ABCF1: variants seen among roughly 807,000 people sequenced by gnomAD.
The protein encoded by ABCF1 is ATP-binding cassette sub-family F member 1.
In ABCF1, 73 loss-of-function variants were observed where a neutral mutation model predicts 126.3. That is an observed-to-expected ratio of 0.58 (90% CI 0.48 to 0.70). ABCF1 has a LOEUF of 0.70. ABCF1 is among the 30% of genes least tolerant of loss of function. The pLI is 0.00. For missense variants in ABCF1, 786 were observed against 1,057.5 expected (o/e 0.74, Z 3.56); for synonymous variants, 345 against 396.4 (o/e 0.87, Z 1.54).
chr6:30,578,030 C>T, intron 3 of ABCF1, 46 bp from the exon 4 acceptor site: 1 of 1,613,796 alleles, frequency 6.2e-7, no homozygotes, highest in Non-Finnish European at 8.5e-7. Context: ...AGAAATACAG[C>T]AGGGGCCTGG....
Position 30,583,955 on chromosome 6 carries a change from C to T in ABCF1, c.1102+65C>T. The T allele has an allele frequency of 6.4e-7, 1 of 1,559,588 alleles. No individual in the cohort carries two copies. The highest frequency in any genetic ancestry group is 1.4e-5 in the African/African-American group (1 of 73,672). ...CAGTTGGGTAGAAAAGCCAGCCAGCCAAGAATAGAAGAAATTGTGGCTATG... is the reference window on the plus strand; with the variant it reads ...CAGTTGGGTAGAAAAGCCAGCCAGCTAAGAATAGAAGAAATTGTGGCTATG... On this transcript the variant is annotated intron_variant, in intron 12 of 24. Coordinates refer to ENST00000326195, the MANE Select transcript of ABCF1 (RefSeq NM_001025091.2). The surrounding 1 kb of genome is among the most constrained non-coding windows in gnomAD (Gnocchi z 4.1).
Position 30,590,211 on chromosome 6 carries a change from T to C in ABCF1, c.2296T>C (p.Leu766=). Reference sequence around the variant, plus strand: ...CTGTCGGGAACCTGATGTCCTCATCTTGGTGAGTGAGCTGGGCTGTGGGAA... The same window carrying C: ...CTGTCGGGAACCTGATGTCCTCATCCTGGTGAGTGAGCTGGGCTGTGGGAA... ...LACREPDVLI[L]DEPTNNLDIE... Residue 766 remains leucine (L), a splice_region_variant and synonymous_variant, in exon 23 of 25, where the codon TTG becomes CTG. Coordinates refer to ENST00000326195, the MANE Select transcript of ABCF1 (RefSeq NM_001025091.2). The C allele has an allele frequency of 6.2e-7, 1 of 1,613,070 alleles. No individual in the cohort carries two copies. The highest frequency in any genetic ancestry group is 1.1e-5 in the South Asian group (1 of 91,076).
rs1295151495 is a variant in ABCF1, at chr6:30,589,874, G to A, written c.2133G>A (p.Leu711=). ...LRMEETPTEY[L]QRGFNLPYQD... ...TGGAGGAGACGCCCACTGAGTACCT[G>A]CAGCGGGGCTTCAACCTGCCCTACC... Residue 711 remains leucine (L), a synonymous_variant, in exon 22 of 25, where the codon CTG becomes CTA. Coordinates refer to ENST00000326195, the MANE Select transcript of ABCF1 (RefSeq NM_001025091.2). 9 of 1,614,212 alleles carry A rather than the reference G, an allele frequency of 5.6e-6. No individual in the cohort carries two copies. In the South Asian group the frequency reaches 9.9e-5, roughly 18 times the overall value.
Position 30,585,240 on chromosome 6 carries a change from C to T in ABCF1, c.1392-20C>T, listed in dbSNP as rs750503304. On this transcript the variant is annotated intron_variant, in intron 14 of 24. Coordinates refer to ENST00000326195, the MANE Select transcript of ABCF1 (RefSeq NM_001025091.2). ...GGATCTTTCTCTCCCTGACCCTGCCCTCTGCTACCCACCCTCTAGGGCACT... is the reference window on the plus strand; with the variant it reads ...GGATCTTTCTCTCCCTGACCCTGCCTTCTGCTACCCACCCTCTAGGGCACT... 1.9e-6 allele frequency: 3 copies of T among 1,610,236 alleles called. No homozygotes were observed. The Admixed American group carries it at 5.0e-5, about 27-fold the overall frequency.
At chr6:30,578,662 C>A in intron 6 of ABCF1, 85 bp downstream of exon 6, 2 of 1,169,770 alleles carry the variant, frequency 1.7e-6, no homozygotes, top group South Asian at 1.3e-5. Context: ...TTTAAACTAG[C>A]TCTTCTCGGT....
Position 30,584,016 on chromosome 6 carries a change from G to T in ABCF1, c.1102+126G>T. The T allele has an allele frequency of 7.2e-7, 1 of 1,396,812 alleles. No individual in the cohort carries two copies. Among genetic ancestry groups the T allele is most frequent in the Non-Finnish European group, 9.9e-7 (1 of 1,012,026 alleles). 86.5% of individuals were successfully genotyped at this position (1,396,812 alleles called of 1,614,324 possible). A position where few individuals can be genotyped will look rare whatever the true frequency, so the allele number is the denominator to read the frequency against. On this transcript the variant is annotated intron_variant, in intron 12 of 24. Coordinates refer to ENST00000326195, the MANE Select transcript of ABCF1 (RefSeq NM_001025091.2). The surrounding 1 kb of genome is among the most constrained non-coding windows in gnomAD (Gnocchi z 4.6). ...GGATGTGGAGGGAGACTGGAGACCG[G>T]GAAAGGGATGCTAAGGAAAGGAGGG...
At position 30,590,678 on chromosome 6, in the gene ABCF1, A is replaced by G. The variant is rs1362980168; in HGVS notation, c.2515A>G (p.Met839Val). 1.3e-6 allele frequency: 2 copies of G among 1,597,508 alleles called. No individual in the cohort carries two copies. The highest frequency in any genetic ancestry group is 1.7e-5 in the Admixed American group (1 of 57,958). ...GGTGTTGGAGGCCCTGGGTGAAGTC[A>G]TGGTCAGCCGGCCCCGAGAGTGAGC... is the stretch of plus-strand genomic sequence containing the variant. ...REVLEALGEV[M>V]VSRPRE is the part of the protein sequence containing the mutation. Residue 839 changes from methionine to valine, a missense_variant, in exon 25 of 25, where the codon ATG becomes GTG. Coordinates refer to ENST00000326195, the MANE Select transcript of ABCF1 (RefSeq NM_001025091.2).
chr6:30,576,686 G>A (rs1801521727), intron 1 of ABCF1, among the ~76,000 whole-genome samples: 1 of 151,938 alleles, frequency 6.6e-6, no homozygotes, highest in African/African-American at 2.4e-5. Context: ...CCTCCCCAGT[G>A]GATTTCCCAC....
intron 1 of ABCF1, among the ~76,000 whole-genome samples, chr6:30,575,355 G>A (rs1008973741): frequency 5.9e-5 from 8 of 135,084 alleles, no homozygotes; most frequent in Admixed American, 1.5e-4. Context: ...GGCCTGAGCC[G>A]CCGCACCCGA....
intron 20 of ABCF1, among the ~76,000 whole-genome samples, chr6:30,588,867 G>A (rs1285102944): frequency 6.6e-6 from 1 of 152,108 alleles, no homozygotes; most frequent in Non-Finnish European, 1.5e-5. Flanking sequence ...GAGTCTCGCT[G>A]TATGGAGAGC....
Position 30,590,705 on chromosome 6 carries a change from T to C in ABCF1, c.*4T>C. On this transcript the variant is annotated 3_prime_UTR_variant, in exon 25 of 25. Coordinates refer to ENST00000326195, the MANE Select transcript of ABCF1 (RefSeq NM_001025091.2). ...GGTCAGCCGGCCCCGAGAGTGAGCT[T>C]TCCTTCCCAGAAGTCTCCCGAGAGA... 2 of 1,603,608 alleles carry C rather than the reference T, an allele frequency of 1.2e-6. No homozygotes were observed. The highest frequency in any genetic ancestry group is 1.7e-6 in the Non-Finnish European group (2 of 1,175,514).
chr6:30,588,477 T>C (rs190496580), intron 20 of ABCF1, among the ~76,000 whole-genome samples: 25 of 152,206 alleles, frequency 1.6e-4, no homozygotes, highest in Non-Finnish European at 1.5e-5. Flanking sequence ...TTCTCCTGCC[T>C]TAGCCTCCCG....
At position 30,576,687 on chromosome 6, in the gene ABCF1, G is replaced by A. The variant is rs535094480; in HGVS notation, c.74-722G>A. Among the ~76,000 whole-genome samples, 160 of 152,030 alleles carry A rather than the reference G, an allele frequency of 1.1e-3. 5 individuals are homozygous for A. In the South Asian group the frequency reaches 0.03, roughly 29 times the overall value. On this transcript the variant is annotated intron_variant, in intron 1 of 24. Transcript: ENST00000326195. ...GACTACTCTGACAGCCTCCCCAGTG[G>A]ATTTCCCACTATGCTTATTCCCTCC...
Position 30,582,527 on chromosome 6 carries a change from C to A in ABCF1, c.792+20C>A, listed in dbSNP as rs745724823. 3.1e-6 allele frequency: 5 copies of A among 1,611,062 alleles called. No homozygotes were observed. The highest frequency in any genetic ancestry group is 4.2e-6 in the Non-Finnish European group (5 of 1,179,278). ...AAACAGGTAAGACCTTGGTTCTTAGCGGTCAAAAGTAGGGGATTTTTAAAT... is the reference window on the plus strand; with the variant it reads ...AAACAGGTAAGACCTTGGTTCTTAGAGGTCAAAAGTAGGGGATTTTTAAAT... On this transcript the variant is annotated intron_variant, in intron 9 of 24. Coordinates refer to ENST00000326195, the MANE Select transcript of ABCF1 (RefSeq NM_001025091.2).
Position 30,586,217 on chromosome 6 carries a change from T to G in ABCF1, c.1797T>G (p.Pro599=), listed in dbSNP as rs1802122421. 6.2e-7 allele frequency: 1 copy of G among 1,613,954 alleles called. No individual in the cohort carries two copies. Among genetic ancestry groups the G allele is most frequent in the Non-Finnish European group, 8.5e-7 (1 of 1,179,966 alleles). ...KNQDEESQEA[P]ELLKRPKEYT... is the part of the protein sequence containing the mutation. ...AAGATGAGGAATCCCAGGAGGCCCC[T>G]GAGCTCCTGAAGCGCCCTAAGGAGT... The change falls in exon 18 of 25, where the codon CCT becomes CCG. Residue 599 remains proline (P), a synonymous_variant. Transcript: ENST00000326195. This position sits in a 1 kb window ranked among gnomAD's most constrained non-coding sequence, Gnocchi z 4.9.
At position 30,578,304 on chromosome 6, in the gene ABCF1, A is replaced by G. The variant is rs139380868; in HGVS notation, c.344-44A>G. ...GTTGGATTCAATTGGGGGGCCAGAC[A>G]TTGTAATTCTTTCCTATCTCATGTT... On this transcript the variant is annotated intron_variant, in intron 4 of 24. Transcript: ENST00000326195. 2,569 of 1,613,868 alleles carry G rather than the reference A, an allele frequency of 1.6e-3. 7 individuals carry two copies. Among genetic ancestry groups the G allele is most frequent in the Non-Finnish European group, 2.0e-3 (2,312 of 1,179,894 alleles).
At chr6:30,580,595 G>A in intron 8 of ABCF1, 76 bp downstream of exon 8, 1 of 869,728 alleles carries the variant, frequency 1.1e-6, no homozygotes, top group Non-Finnish European at 1.7e-6. Flanking sequence ...GTTAGAATCT[G>A]GGGATATAGT....
At chr6:30,589,424 A>C (rs537851101) in intron 20 of ABCF1, 107 of 542,440 alleles carry the variant, frequency 2.0e-4, no homozygotes, top group African/African-American at 1.9e-3. Flanking sequence ...TAACATGGTG[A>C]AATCCCGTCT....
At chr6:30,582,085 C>G (rs961892460) in intron 8 of ABCF1, among the ~76,000 whole-genome samples, 1 of 150,466 alleles carries the variant, frequency 6.6e-6, no homozygotes, top group African/African-American at 2.4e-5. Flanking sequence ...GAGACGGAGT[C>G]TTGCTTTGTC....
Sources: allele counts gnomAD v4.1 joint callset (sites outside exome capture counted in the v4.1 genomes callset), GRCh38; gene constraint gnomAD v4.1.1; non-coding constraint Gnocchi (gnomAD v3.1); transcripts MANE v1.5; gene names NCBI Gene and HGNC (gene_info 2026-07-23, HGNC 2026-07-21).